TTC13: variants seen among roughly 807,000 people sequenced by gnomAD.
The protein encoded by TTC13 is tetratricopeptide repeat protein 13.
TTC13 carries 62 observed loss-of-function variants against 120.0 expected under a neutral mutation model. That is an observed-to-expected ratio of 0.52 (90% CI 0.42 to 0.64). The LOEUF (loss-of-function observed/expected upper bound fraction) is 0.64. Ranked by LOEUF, TTC13 falls within the 30% of genes least tolerant of loss-of-function variation. The pLI, the probability that TTC13 is intolerant of heterozygous loss-of-function variation, is 0.00. For synonymous variants in TTC13, 384 were observed against 393.5 expected (o/e 0.98, Z 0.28); for missense variants, 824 against 1,050.2 (o/e 0.78, Z 2.98).
At chr1:230,975,762 G>A (rs1437548718) in intron 1 of TTC13, among the ~76,000 whole-genome samples, 4 of 152,174 alleles carry the variant, frequency 2.6e-5, no homozygotes, top group Admixed American at 1.3e-4. Context: ...CTCAAGCTGA[G>A]ACATATGGCA....
intron 15 of TTC13, among the ~76,000 whole-genome samples, chr1:230,922,889 G>A (rs1672713304): frequency 6.6e-6 from 1 of 152,134 alleles, no homozygotes; most frequent in African/African-American, 2.4e-5. Context: ...ACAGCACACT[G>A]GCTGATCTAC....
chr1:230,943,947 G>T, intron 5 of TTC13, 49 bp from the exon 6 acceptor site: 1 of 1,412,120 alleles, frequency 7.1e-7, no homozygotes, highest in Non-Finnish European at 9.7e-7. Context: ...CTCAAAACCA[G>T]GCTGAAAAAA....
chr1:230,957,513 T>C lies in TTC13; in HGVS notation c.442+711A>G, dbSNP rs1413795875. On this transcript the variant is annotated intron_variant, in intron 3 of 22. Coordinates refer to ENST00000366661, the MANE Select transcript of TTC13 (RefSeq NM_024525.5). ...ATGACCATGGTAAGGATAAAATAAT[T>C]ATGCATAAATTAGATAGAGAAGAAT... Among the ~76,000 whole-genome samples, 3 of 152,152 alleles carry C rather than the reference T, an allele frequency of 2.0e-5. No homozygotes were observed. In the East Asian group the frequency reaches 5.8e-4, roughly 29 times the overall value.
At chr1:230,929,118 C>T (rs1673304854) in intron 11 of TTC13, 25 bp from the exon 12 acceptor site, 4 of 1,609,912 alleles carry the variant, frequency 2.5e-6, no homozygotes, top group Non-Finnish European at 3.4e-6. Flanking sequence ...TGAGATCTGA[C>T]ACATCCAAAT....
intron 19 of TTC13, among the ~76,000 whole-genome samples, chr1:230,912,068 A>G (rs1671565206): frequency 6.6e-6 from 1 of 152,214 alleles, no homozygotes; most frequent in South Asian, 2.1e-4. Flanking sequence ...CGTCCACTGC[A>G]GAACACAGAG....
chr1:230,923,528 C>G (rs1324686621), intron 15 of TTC13, among the ~76,000 whole-genome samples: 1 of 152,074 alleles, frequency 6.6e-6, no homozygotes. Context: ...TGTTCTCCAT[C>G]TAATAATTTT....
intron 6 of TTC13, among the ~76,000 whole-genome samples, 166 bp downstream of exon 6, chr1:230,943,640 T>C (rs9431610): frequency 0.13 from 20,450 of 152,256 alleles, 1,389 homozygotes; most frequent in Middle Eastern, 0.16. Context: ...ACTCAATCCA[T>C]AGTTTTCTAT....
intron 6 of TTC13, among the ~76,000 whole-genome samples, chr1:230,941,753 G>A (rs895368125): frequency 1.3e-5 from 2 of 152,166 alleles, no homozygotes; most frequent in Non-Finnish European, 2.9e-5. Context: ...TTGAATATAT[G>A]TCTGAGAATT....
chr1:230,938,387 C>T (rs1674261665), intron 8 of TTC13, among the ~76,000 whole-genome samples: 1 of 152,186 alleles, frequency 6.6e-6, no homozygotes, highest in Non-Finnish European at 1.5e-5. Flanking sequence ...GTTCCAGGCC[C>T]CCGGCTCCTG....
intron 6 of TTC13, among the ~76,000 whole-genome samples, chr1:230,941,842 C>G (rs1674558695): frequency 6.6e-6 from 1 of 152,078 alleles, no homozygotes; most frequent in African/African-American, 2.4e-5. Context: ...AGGTACATAA[C>G]TGAATTATCA....
In TTC13 at chr1:230,921,559, G is replaced by A. The variant is rs969992578; in HGVS notation, c.1815-55C>T. The A allele has an allele frequency of 5.6e-6, 5 of 885,158 alleles. No individual in the cohort carries two copies. The African/African-American group carries it at 9.0e-5, about 16-fold the overall frequency. The allele number at this position is 885,158 out of a possible 1,614,324, so 54.8% of individuals were successfully genotyped here. A position where few individuals can be genotyped will look rare whatever the true frequency, so the allele number is the denominator to read the frequency against. ...TATTTTTATAGAAGAATATGCTCAA[G>A]CCAACATCTAATTTCAAAGTTAATT... On this transcript the variant is annotated intron_variant, in intron 15 of 22. Coordinates refer to ENST00000366661, the MANE Select transcript of TTC13 (RefSeq NM_024525.5).
At chr1:230,955,603 G>A (rs1429267748) in intron 3 of TTC13, among the ~76,000 whole-genome samples, 9 of 149,808 alleles carry the variant, frequency 6.0e-5, no homozygotes, top group Admixed American at 2.6e-4. Context: ...CCCAGGAGGC[G>A]GAGCTTGCAG....
intron 1 of TTC13, among the ~76,000 whole-genome samples, chr1:230,962,340 G>T (rs1214730115): frequency 6.6e-6 from 1 of 152,088 alleles, no homozygotes; most frequent in Non-Finnish European, 1.5e-5. Flanking sequence ...CACATGAAAA[G>T]TTGCTCAACA....
intron 1 of TTC13, among the ~76,000 whole-genome samples, chr1:230,972,466 ATTAT>A (rs1258388832): frequency 1.3e-5 from 2 of 152,366 alleles, no homozygotes; most frequent in East Asian, 1.9e-4. Flanking sequence ...GCTTTGATAA[ATTAT>A]TTATTCTATC....
chr1:230,978,627 CG>C lies in TTC13; in HGVS notation c.203del (p.Pro68ArgfsTer28), dbSNP rs1170549830. On this transcript the variant is annotated frameshift_variant, in exon 1 of 23. Transcript: ENST00000366661. LOFTEE classifies it high-confidence loss of function. The surrounding 1 kb of genome is among the most constrained non-coding windows in gnomAD (Gnocchi z 5.6). ...GCGGGCTGCAGCCGCCGCCGCCCGC[CG>C]GGGCCTCCTGCTGCTGCCGGTGCTG... is the stretch of plus-strand genomic sequence containing the variant. ...ELQHRQQQEA[P>X]AGGGGCSPQS... is the part of the protein sequence containing the mutation. 2 of 1,468,366 alleles carry C rather than the reference CG, an allele frequency of 1.4e-6. No homozygotes were observed. Among genetic ancestry groups the C allele is most frequent in the Non-Finnish European group, 1.8e-6 (2 of 1,116,296 alleles). The allele number at this position is 1,468,366 out of a possible 1,614,324, so 91.0% of individuals were successfully genotyped here.
intron 17 of TTC13, 22 bp from the exon 18 acceptor site, chr1:230,916,324 C>A: frequency 6.5e-7 from 1 of 1,543,866 alleles, no homozygotes; most frequent in South Asian, 1.1e-5. Context: ...AAAGAAAATT[C>A]ACGTTACTAG....
chr1:230,941,651 C>G (rs1228668059), intron 6 of TTC13, among the ~76,000 whole-genome samples: 1 of 152,092 alleles, frequency 6.6e-6, no homozygotes, highest in Non-Finnish European at 1.5e-5. Flanking sequence ...TTATAATTTC[C>G]TACTCTACAG....
Position 230,924,861 on chromosome 1 carries a change from G to GTCAAACATGTCTCTCCACTGCA in TTC13, c.1679_1700dup (p.Ile568AlafsTer7), listed in dbSNP as rs766138022. Reference sequence around the variant, plus strand: ...GTTACCTTCTCCATTTAACTGCAATGTCAAACATGTCTCTCCACTGCATCA... The same window carrying GTCAAACATGTCTCTCCACTGCA: ...GTTACCTTCTCCATTTAACTGCAATGTCAAACATGTCTCTCCACTGCATCAAACATGTCTCTCCACTGCATCA... On this transcript the variant is annotated stop_gained and frameshift_variant, in exon 14 of 23. Coordinates refer to ENST00000366661, the MANE Select transcript of TTC13 (RefSeq NM_024525.5). LOFTEE classifies it high-confidence loss of function. 14 of 1,614,224 alleles carry GTCAAACATGTCTCTCCACTGCA rather than the reference G, an allele frequency of 8.7e-6. No individual in the cohort carries two copies. The highest frequency in any genetic ancestry group is 1.7e-6 in the Non-Finnish European group (2 of 1,180,050).
intron 4 of TTC13, among the ~76,000 whole-genome samples, chr1:230,950,764 A>C (rs1675496293): frequency 6.6e-6 from 1 of 152,248 alleles, no homozygotes; most frequent in Admixed American, 6.5e-5. Flanking sequence ...AAATCAGATG[A>C]GCTCAAGGTC....
Sources: gnomAD v4.1 joint callset for allele counts (sites outside exome capture counted in the v4.1 genomes callset) on GRCh38, gnomAD v4.1.1 for gene constraint, Gnocchi (gnomAD v3.1) non-coding constraint, MANE v1.5 for transcripts, NCBI Gene and HGNC (gene_info 2026-07-23, HGNC 2026-07-21) for gene names.